GRM8: variants seen among roughly 807,000 people sequenced by gnomAD.
GRM8 encodes metabotropic glutamate receptor 8.
In GRM8, 47 loss-of-function variants were observed where a neutral mutation model predicts 87.2. That is an observed-to-expected ratio of 0.54 (90% confidence interval 0.43 to 0.69). The LOEUF (loss-of-function observed/expected upper bound fraction) is 0.69. Ranked by LOEUF, GRM8 falls within the 30% of genes least tolerant of loss-of-function variation. The probability of loss-of-function intolerance (pLI) is 0.00; values close to 1 mark genes in which losing one functional copy is unlikely to be tolerated. For missense variants in GRM8, 1,019 were observed against 1,139.2 expected, an observed-to-expected ratio of 0.89 and a Z score of 1.52; for synonymous variants, 396 against 404.5, an observed-to-expected ratio of 0.98 and a Z score of 0.25.
intron 5 of GRM8, among the ~76,000 whole-genome samples, chr7:126,903,196 C>G (rs1326431312): frequency 6.6e-6 from 1 of 152,058 alleles, no homozygotes; most frequent in Admixed American, 6.6e-5. Flanking sequence ...ACTCAAGTGT[C>G]GGTTTGCTCA....
At chr7:126,456,943 T>G (rs1803315394) in intron 9 of GRM8, among the ~76,000 whole-genome samples, 1 of 151,340 alleles carries the variant, frequency 6.6e-6, no homozygotes, top group Non-Finnish European at 1.5e-5. Context: ...CAACAAAAAC[T>G]AAACAGGTGA....
intron 7 of GRM8, among the ~76,000 whole-genome samples, chr7:126,722,165 T>G (rs531777215): frequency 2.0e-4 from 30 of 152,282 alleles, no homozygotes; most frequent in African/African-American, 7.2e-4. Flanking sequence ...CAACTGGACC[T>G]CTCCAGAACC....
chr7:126,581,437 T>C (rs1288225917), intron 8 of GRM8, among the ~76,000 whole-genome samples: 1 of 152,074 alleles, frequency 6.6e-6, no homozygotes, highest in Non-Finnish European at 1.5e-5. Context: ...ACGTACAAAT[T>C]TGTGAAGACC....
At chr7:126,665,392 C>T (rs989469292) in intron 7 of GRM8, among the ~76,000 whole-genome samples, 27 of 152,112 alleles carry the variant, frequency 1.8e-4, no homozygotes, top group Non-Finnish European at 1.8e-4. Flanking sequence ...AAACCTAATA[C>T]GTATTCACCA....
chr7:127,241,129 T>G (rs940314825), intron 2 of GRM8, among the ~76,000 whole-genome samples: 21 of 152,338 alleles, frequency 1.4e-4, no homozygotes, highest in African/African-American at 5.1e-4. Flanking sequence ...GAAAATTTCA[T>G]CTATCTGAAA....
intron 6 of GRM8, among the ~76,000 whole-genome samples, chr7:126,839,433 A>T (rs1314096583): frequency 6.6e-6 from 1 of 152,180 alleles, no homozygotes; most frequent in Non-Finnish European, 1.5e-5. Flanking sequence ...CTCAGACTCA[A>T]ACTCAGGGGT....
chr7:127,112,487 A>G (rs1826431836), intron 2 of GRM8, among the ~76,000 whole-genome samples: 1 of 152,212 alleles, frequency 6.6e-6, no homozygotes, highest in Non-Finnish European at 1.5e-5. Flanking sequence ...TAGGTGTTCA[A>G]TAAATATTCA....
intron 7 of GRM8, among the ~76,000 whole-genome samples, chr7:126,676,864 A>G (rs527381475): frequency 6.6e-6 from 1 of 152,312 alleles, no homozygotes; most frequent in South Asian, 2.1e-4. Flanking sequence ...AAAAAGAAAT[A>G]AATGAGGCCT....
intron 8 of GRM8, among the ~76,000 whole-genome samples, chr7:126,534,190 A>C (rs1815309140): frequency 6.6e-6 from 1 of 152,182 alleles, no homozygotes; most frequent in South Asian, 2.1e-4. Flanking sequence ...ACTAAAAAAA[A>C]TAAAATACAA....
At chr7:126,446,478 C>T (rs1273764461) in intron 9 of GRM8, 106 bp from the exon 10 acceptor site, 2 of 727,786 alleles carry the variant, frequency 2.7e-6, no homozygotes, top group Non-Finnish European at 4.5e-6. Flanking sequence ...CTGCTAAAGG[C>T]ACATTAAAAG....
At chr7:126,946,928 T>A (rs1261238347) in intron 3 of GRM8, among the ~76,000 whole-genome samples, 1 of 152,238 alleles carries the variant, frequency 6.6e-6, no homozygotes, top group Admixed American at 6.5e-5. Flanking sequence ...TCCAAGCCTT[T>A]ATGATTCATG....
At chr7:126,765,000 G>A (rs771158603) in intron 7 of GRM8, among the ~76,000 whole-genome samples, 3 of 151,906 alleles carry the variant, frequency 2.0e-5, no homozygotes, top group Admixed American at 1.3e-4. Flanking sequence ...TATAGGGAGT[G>A]GTCTGTGACA....
intron 8 of GRM8, among the ~76,000 whole-genome samples, chr7:126,572,408 C>T (rs540447474): frequency 1.3e-5 from 2 of 152,162 alleles, no homozygotes; most frequent in Admixed American, 6.6e-5. Context: ...GATAGATAGA[C>T]ATGAATGTCT....
chr7:126,733,031 T>C (rs1813785564), intron 7 of GRM8, among the ~76,000 whole-genome samples: 1 of 152,096 alleles, frequency 6.6e-6, no homozygotes, highest in Non-Finnish European at 1.5e-5. Flanking sequence ...GCTCATCAGC[T>C]ATCATTAGTG....
At position 126,917,801 on chromosome 7, in the gene GRM8, A is replaced by G. The variant is rs570641467; in HGVS notation, c.728-13118T>C. ...CAAAATGCGAACTTCAAAGTTTTAC[A>G]TCATCAAGGCTGCACAGTTTAGATA... On this transcript the variant is annotated intron_variant, in intron 3 of 10. Transcript: ENST00000339582. Among the ~76,000 whole-genome samples the G allele has an allele frequency of 4.6e-5, 7 of 152,346 alleles. No individual in the cohort carries two copies. The South Asian group carries it at 1.2e-3, about 27-fold the overall frequency.
At chr7:126,941,443 T>TAA (rs11453714) in intron 3 of GRM8, among the ~76,000 whole-genome samples, 2,785 of 128,774 alleles carry the variant, frequency 0.022, 46 homozygotes, top group African/African-American at 0.033. Flanking sequence ...CCATCTCTAC[T>TAA]AAAAAAAAAA....
chr7:126,589,866 A>G lies in GRM8; in HGVS notation c.1494+19496T>C, dbSNP rs191656205. Among the ~76,000 whole-genome samples, 451 of 152,202 alleles carry G rather than the reference A, an allele frequency of 3.0e-3. 1 individual carries two copies. Among genetic ancestry groups the G allele is most frequent in the Non-Finnish European group, 4.9e-3 (333 of 68,002 alleles). On this transcript the variant is annotated intron_variant, in intron 8 of 10. Coordinates refer to ENST00000339582, the MANE Select transcript of GRM8 (RefSeq NM_000845.3). ...TCAAGGGAGCACCCCATGGGACAAA[A>G]CAGTCTGAACAGAAGCCCTTGAGCC...
At chr7:126,458,323 T>C (rs949706701) in intron 9 of GRM8, among the ~76,000 whole-genome samples, 2 of 151,180 alleles carry the variant, frequency 1.3e-5, no homozygotes, top group African/African-American at 2.4e-5. Flanking sequence ...ATAAAGATTA[T>C]AATAAGCCAA....
chr7:126,994,528 C>T (rs1187479957), intron 3 of GRM8, among the ~76,000 whole-genome samples: 1 of 152,152 alleles, frequency 6.6e-6, no homozygotes, highest in Non-Finnish European at 1.5e-5. Flanking sequence ...AGAGTGAGCC[C>T]CAGGCCTGGC....
Sources: gnomAD v4.1 joint callset for allele counts (sites outside exome capture counted in the v4.1 genomes callset) on GRCh38, gnomAD v4.1.1 for gene constraint, MANE v1.5 for transcripts, NCBI Gene and HGNC (gene_info 2026-07-23, HGNC 2026-07-21) for gene names.